Variants in RBFOX1 observed in about 807,000 individuals in gnomAD.
RBFOX1 encodes the protein RNA binding protein fox-1 homolog 1.
A neutral mutation model predicts 57.7 loss-of-function variants in RBFOX1; 8 were observed. That is an observed-to-expected ratio of 0.14 (90% CI 0.08 to 0.25). The LOEUF (loss-of-function observed/expected upper bound fraction) is 0.25, where lower values mean the gene tolerates loss of function less well. Among genes scored for constraint, RBFOX1 ranks in the 10% least tolerant of loss-of-function variants. The pLI, the probability that RBFOX1 is intolerant of heterozygous loss-of-function variation, is 1.00. For synonymous variants in RBFOX1, 326 were observed against 222.4 expected, an observed-to-expected ratio of 1.47 and a Z score of -4.15; for missense variants, 611 against 548.5, an observed-to-expected ratio of 1.11 and a Z score of -1.14.
chr16:7,452,617 C>T (rs541972639), intron 4 of RBFOX1, among the ~76,000 whole-genome samples: 2 of 152,164 alleles, frequency 1.3e-5, no homozygotes, highest in African/African-American at 2.4e-5. Flanking sequence ...GTATCAGGCA[C>T]TTGCTGTGGT....
intron 3 of RBFOX1, among the ~76,000 whole-genome samples, chr16:6,729,712 A>G (rs187764944): frequency 4.6e-5 from 7 of 152,288 alleles, no homozygotes; most frequent in African/African-American, 9.6e-5. Flanking sequence ...GTAGAGTGAC[A>G]TATGAAAGCA....
In RBFOX1 at chr16:5,407,266, G is replaced by A. The variant is rs554339959; in HGVS notation, c.220-59950G>A. Among the ~76,000 whole-genome samples, 7 of 152,238 alleles carry A rather than the reference G, an allele frequency of 4.6e-5. No homozygotes were observed. The South Asian group carries it at 1.5e-3, about 32-fold the overall frequency. ...CCATGATCCAGTCCCCTCCCACCAG[G>A]TCTCTCCTCAGCACCTGAGGATTAC... On this transcript the variant is annotated intron_variant, in intron 1 of 2. Transcript: ENST00000585867.
intron 3 of RBFOX1, among the ~76,000 whole-genome samples, chr16:5,734,897 C>A (rs560857667): frequency 6.6e-6 from 1 of 152,126 alleles, no homozygotes; most frequent in Non-Finnish European, 1.5e-5. Context: ...GAGTAAGTGA[C>A]TGTGATGATT....
At chr16:6,070,433 G>C (rs1398077279) in intron 1 of RBFOX1, among the ~76,000 whole-genome samples, 4 of 152,064 alleles carry the variant, frequency 2.6e-5, no homozygotes, top group Non-Finnish European at 4.4e-5. Flanking sequence ...ATCAAATTTG[G>C]GTATTTATAA....
intron 2 of RBFOX1, among the ~76,000 whole-genome samples, chr16:6,433,789 A>G (rs559761112): frequency 1.4e-4 from 21 of 147,382 alleles, no homozygotes; most frequent in African/African-American, 5.0e-4. Context: ...CATCACTCCA[A>G]CCTCTGCTCC....
chr16:7,203,953 G>C (rs2089328377), intron 4 of RBFOX1, among the ~76,000 whole-genome samples: 1 of 152,194 alleles, frequency 6.6e-6, no homozygotes, highest in African/African-American at 2.4e-5. Flanking sequence ...CTTTACATAG[G>C]GCTGTACAAG....
chr16:5,366,532 T>C, intron 1 of RBFOX1: 2 of 422,420 alleles, frequency 4.7e-6, no homozygotes, highest in East Asian at 1.2e-4. Context: ...AGGACCTAGT[T>C]CTGTAGAAGA....
chr16:7,068,083 C>G (rs958305220), intron 4 of RBFOX1, among the ~76,000 whole-genome samples: 3 of 151,202 alleles, frequency 2.0e-5, no homozygotes, highest in Non-Finnish European at 1.5e-5. Context: ...ACTGGTTTCT[C>G]TCCTGCTTTT....
chr16:6,415,909 A>G (rs2093612286), intron 2 of RBFOX1, among the ~76,000 whole-genome samples: 1 of 152,198 alleles, frequency 6.6e-6, no homozygotes, highest in African/African-American at 2.4e-5. Flanking sequence ...AGATGGGTTC[A>G]CTTTGAGGAC....
Position 7,029,085 on chromosome 16 carries a change from C to CAT in RBFOX1, c.-15-22971_-15-22970insTA, listed in dbSNP as rs2041967878. Among the ~76,000 whole-genome samples the CAT allele has an allele frequency of 5.7e-4, 9 of 15,720 alleles. 1 individual carries two copies. The highest frequency in any genetic ancestry group is 3.1e-3 in the South Asian group (1 of 318). 10.3% of individuals were successfully genotyped at this position (15,720 alleles called of 152,430 possible). ...ATATATATATATATATATATATACA[C>CAT]ACACACACACACACACACACACACA... On this transcript the variant is annotated intron_variant, in intron 3 of 15. Coordinates refer to ENST00000550418, the MANE Select transcript of RBFOX1 (RefSeq NM_018723.4).
At chr16:7,339,119 T>A (rs1291003158) in intron 4 of RBFOX1, among the ~76,000 whole-genome samples, 2 of 152,208 alleles carry the variant, frequency 1.3e-5, no homozygotes, top group Admixed American at 6.5e-5. Flanking sequence ...CTCTGGCATT[T>A]ACTAAGCCTG....
intron 3 of RBFOX1, among the ~76,000 whole-genome samples, chr16:6,947,526 G>A (rs2079802367): frequency 6.6e-6 from 1 of 152,190 alleles, no homozygotes; most frequent in Non-Finnish European, 1.5e-5. Context: ...GATGTGAGAT[G>A]AGAGAAATCC....
At position 5,373,931 on chromosome 16, in the gene RBFOX1, G is replaced by A. The variant is rs565983609; in HGVS notation, c.220-93285G>A. Among the ~76,000 whole-genome samples, 13 of 152,062 alleles carry A rather than the reference G, an allele frequency of 8.5e-5. No individual in the cohort carries two copies. In the South Asian group the frequency reaches 2.7e-3, roughly 32 times the overall value. ...ACTTCTTTTCTTTATATGTTACCCA[G>A]TTTGAGATGGAGTCTTACTCTTGTC... On this transcript the variant is annotated intron_variant, in intron 1 of 2. Transcript: ENST00000585867.
intron 3 of RBFOX1, among the ~76,000 whole-genome samples, chr16:5,712,072 C>A (rs2051507602): frequency 6.6e-6 from 1 of 152,148 alleles, no homozygotes; most frequent in South Asian, 2.1e-4. Flanking sequence ...TGGTGGCAGG[C>A]AAGAGAGAGA....
rs148119470 is a variant in RBFOX1 at position 7,116,177 on chromosome 16, G to A, written c.27+64079G>A. Reference sequence around the variant, plus strand: ...GTGTCATGCACTGCATTTTTCTCCCGTTCACCAGTTGCATCTTAGGTCTCA... The same window carrying A: ...GTGTCATGCACTGCATTTTTCTCCCATTCACCAGTTGCATCTTAGGTCTCA... On this transcript the variant is annotated intron_variant, in intron 4 of 15. Transcript: ENST00000550418. Among the ~76,000 whole-genome samples, 58 of 152,112 alleles carry A rather than the reference G, an allele frequency of 3.8e-4. No individual in the cohort carries two copies. In the East Asian group the frequency reaches 6.4e-3, roughly 17 times the overall value.
intron 4 of RBFOX1, among the ~76,000 whole-genome samples, chr16:7,230,266 CA>C (rs1378099876): frequency 6.6e-6 from 1 of 151,776 alleles, no homozygotes; most frequent in Non-Finnish European, 1.5e-5. Flanking sequence ...ACAAAATAAA[CA>C]AACAGAAAGT....
intron 3 of RBFOX1, among the ~76,000 whole-genome samples, chr16:5,791,128 A>C (rs1470935457): frequency 6.6e-6 from 1 of 152,070 alleles, no homozygotes; most frequent in Non-Finnish European, 1.5e-5. Context: ...TTGGTCTCCT[A>C]AAGTGCTGGG....
chr16:5,743,174 C>A (rs148592504), intron 3 of RBFOX1, among the ~76,000 whole-genome samples: 1 of 152,142 alleles, frequency 6.6e-6, no homozygotes, highest in Non-Finnish European at 1.5e-5. Flanking sequence ...GTTACAGGTA[C>A]ATTTTCTATT....
intron 4 of RBFOX1, among the ~76,000 whole-genome samples, chr16:7,468,463 T>G (rs1567331413): frequency 6.6e-6 from 1 of 151,582 alleles, no homozygotes; most frequent in African/African-American, 2.4e-5. Context: ...GGGTGTTTTT[T>G]TTTTTTTTTT....
Sources: allele counts gnomAD v4.1 joint callset (sites outside exome capture counted in the v4.1 genomes callset), GRCh38; gene constraint gnomAD v4.1.1; transcripts MANE v1.5; gene names NCBI Gene and HGNC (gene_info 2026-07-23, HGNC 2026-07-21).